The following ARHGAP24 variants were observed in gnomAD, a reference collection of about 807,000 sequenced individuals.
The protein encoded by ARHGAP24 is rho GTPase-activating protein 24.
A neutral mutation model predicts 76.4 loss-of-function variants in ARHGAP24; 50 were observed. The ratio of observed to expected loss-of-function variants is 0.65; its 90% CI spans 0.52 to 0.83. The LOEUF is 0.83. ARHGAP24 is among the 40% of genes least tolerant of loss of function. The pLI is 0.00. For missense variants in ARHGAP24, 930 were observed against 914.2 expected (o/e 1.02, Z -0.22); for synonymous variants, 345 against 323.3 (o/e 1.07, Z -0.72).
At chr4:85,487,855 T>TTA (rs1276783401) in intron 1 of ARHGAP24, among the ~76,000 whole-genome samples, 1 of 123,640 alleles carries the variant, frequency 8.1e-6, no homozygotes, top group Non-Finnish European at 1.6e-5. Flanking sequence ...TATATATTTA[T>TTA]TATATATATT....
intron 3 of ARHGAP24, among the ~76,000 whole-genome samples, chr4:85,860,961 C>T (rs1268865505): frequency 6.6e-6 from 1 of 151,596 alleles, no homozygotes; most frequent in African/African-American, 2.4e-5. Flanking sequence ...TAGATTTTCT[C>T]AGTCCCTTAT....
At chr4:85,758,065 A>T (rs1443457968) in intron 3 of ARHGAP24, among the ~76,000 whole-genome samples, 1 of 151,994 alleles carries the variant, frequency 6.6e-6, no homozygotes, top group African/African-American at 2.4e-5. Context: ...AGAAGGGGGA[A>T]AAAAAAGCCT....
chr4:85,500,437 A>G (rs945041948), intron 1 of ARHGAP24, among the ~76,000 whole-genome samples: 1 of 152,216 alleles, frequency 6.6e-6, no homozygotes, highest in Admixed American at 6.5e-5. Flanking sequence ...AATACAGATT[A>G]TTAACTAAAT....
At position 85,721,754 on chromosome 4, in the gene ARHGAP24, A is replaced by G. The variant is rs77500011; in HGVS notation, c.181-131A>G. The G allele has an allele frequency of 6.6e-3, 5,070 of 765,018 alleles. 32 individuals are homozygous for G. Among genetic ancestry groups the G allele is most frequent in the Non-Finnish European group, 9.2e-3 (4,082 of 444,092 alleles). 47.4% of individuals were successfully genotyped at this position (765,018 alleles called of 1,614,324 possible). ...GGCACATAATTTTTGATTATTGGGA[A>G]TATAAAAGATTCTGATGCATCTTAC... On this transcript the variant is annotated intron_variant, in intron 2 of 9. Coordinates refer to ENST00000395184, the MANE Select transcript of ARHGAP24 (RefSeq NM_001025616.3).
intron 3 of ARHGAP24, among the ~76,000 whole-genome samples, chr4:85,766,018 A>G (rs1726920019): frequency 6.6e-6 from 1 of 152,152 alleles, no homozygotes; most frequent in African/African-American, 2.4e-5. Context: ...GAAACTGTTT[A>G]TCCACTGCAC....
intron 3 of ARHGAP24, among the ~76,000 whole-genome samples, chr4:85,840,724 TTTAA>T (rs1307690611): frequency 2.0e-5 from 3 of 152,194 alleles, no homozygotes; most frequent in African/African-American, 7.2e-5. Flanking sequence ...TAAATCAAAA[TTTAA>T]TTAACTTTAT....
At chr4:85,837,600 C>A (rs1431324089) in intron 3 of ARHGAP24, among the ~76,000 whole-genome samples, 1 of 152,100 alleles carries the variant, frequency 6.6e-6, no homozygotes, top group East Asian at 1.9e-4. Flanking sequence ...AGCAAGGGAA[C>A]AAATGCAGCT....
intron 2 of ARHGAP24, among the ~76,000 whole-genome samples, chr4:85,720,720 C>T (rs1724898965): frequency 6.6e-6 from 1 of 152,118 alleles, no homozygotes; most frequent in Admixed American, 6.6e-5. Context: ...TTTTTAAAAA[C>T]TCTAATATTT....
chr4:85,610,626 G>A (rs2109995461), intron 2 of ARHGAP24, among the ~76,000 whole-genome samples: 1 of 152,234 alleles, frequency 6.6e-6, no homozygotes, highest in South Asian at 2.1e-4. Context: ...GTGGTTTCTA[G>A]CGTCGTGGGG....
chr4:85,589,135 A>G (rs572261399), intron 2 of ARHGAP24, among the ~76,000 whole-genome samples: 23 of 152,272 alleles, frequency 1.5e-4, no homozygotes, highest in African/African-American at 4.3e-4. Flanking sequence ...TTCTGTGGGT[A>G]TTTGCATGTA....
chr4:85,831,605 A>G (rs1390472662), intron 3 of ARHGAP24, among the ~76,000 whole-genome samples: 1 of 152,198 alleles, frequency 6.6e-6, no homozygotes, highest in Non-Finnish European at 1.5e-5. Context: ...TTTTGTGGCT[A>G]TAAAGAAATG....
At chr4:85,780,801 T>G (rs1727521715) in intron 3 of ARHGAP24, among the ~76,000 whole-genome samples, 1 of 152,242 alleles carries the variant, frequency 6.6e-6, no homozygotes, top group African/African-American at 2.4e-5. Context: ...TTGGCTTGTG[T>G]CCAAGTTCTT....
intron 3 of ARHGAP24, among the ~76,000 whole-genome samples, chr4:85,797,493 AG>A (rs1425018139): frequency 6.6e-6 from 1 of 152,228 alleles, no homozygotes; most frequent in Non-Finnish European, 1.5e-5. Flanking sequence ...ACATTTTTAA[AG>A]GGACATATCC....
intron 2 of ARHGAP24, among the ~76,000 whole-genome samples, chr4:85,710,340 T>C (rs376475962): frequency 4.6e-5 from 7 of 152,202 alleles, no homozygotes; most frequent in African/African-American, 1.4e-4. Flanking sequence ...TCATAACATA[T>C]ACAAAAATCA....
intron 1 of ARHGAP24, among the ~76,000 whole-genome samples, chr4:85,478,060 G>A (rs1251255012): frequency 1.3e-5 from 2 of 152,164 alleles, no homozygotes; most frequent in Non-Finnish European, 2.9e-5. Flanking sequence ...GTCTCAGTCT[G>A]GAGCCCAGTA....
intron 3 of ARHGAP24, among the ~76,000 whole-genome samples, chr4:85,909,522 T>G (rs2148797951): frequency 6.6e-6 from 1 of 152,342 alleles, no homozygotes; most frequent in East Asian, 1.9e-4. Context: ...AATCTGTATT[T>G]GGACTTTAGC....
chr4:85,906,536 CTGAG>C (rs1449165980), intron 3 of ARHGAP24, among the ~76,000 whole-genome samples: 3 of 152,122 alleles, frequency 2.0e-5, no homozygotes, highest in African/African-American at 7.2e-5. Flanking sequence ...ATCTTGATTA[CTGAG>C]TATTTTGGTG....
At chr4:85,893,720 C>T (rs1006577673) in intron 3 of ARHGAP24, among the ~76,000 whole-genome samples, 15 of 148,650 alleles carry the variant, frequency 1.0e-4, no homozygotes, top group Admixed American at 5.4e-4. Flanking sequence ...GGGTTTCTGC[C>T]GAGAGATCCG....
chr4:85,497,017 A>T (rs1578185983), intron 1 of ARHGAP24, among the ~76,000 whole-genome samples: 1 of 152,238 alleles, frequency 6.6e-6, no homozygotes, highest in Non-Finnish European at 1.5e-5. Context: ...AGAATATTGG[A>T]TATTTGGCAA....
Sources: gnomAD v4.1 joint callset for allele counts (sites outside exome capture counted in the v4.1 genomes callset) on GRCh38, gnomAD v4.1.1 for gene constraint, MANE v1.5 for transcripts, NCBI Gene and HGNC (gene_info 2026-07-23, HGNC 2026-07-21) for gene names.